SUCO: variants seen among roughly 807,000 people sequenced by gnomAD.
SUCO encodes SUN domain-containing ossification factor.
In SUCO, 57 loss-of-function variants were observed where a neutral mutation model predicts 148.1. That is an observed-to-expected ratio of 0.38 (90% CI 0.31 to 0.48). The LOEUF (loss-of-function observed/expected upper bound fraction) is 0.48. Among genes scored for constraint, SUCO ranks in the 20% least tolerant of loss-of-function variants. SUCO has a pLI of 0.96. For synonymous variants in SUCO, 470 were observed against 502.7 expected (o/e 0.93, Z 0.87); for missense variants, 1,331 against 1,468.2 (o/e 0.91, Z 1.53).
At chr1:172,600,676 C>T (rs1427042467) in intron 20 of SUCO, among the ~76,000 whole-genome samples, 1 of 146,382 alleles carries the variant, frequency 6.8e-6, no homozygotes, top group African/African-American at 2.6e-5. Context: ...CCTAGTGATA[C>T]GTACTATGAA....
In SUCO at chr1:172,608,735, TTTTA is replaced by T; in HGVS notation, c.3266-11_3266-8del. On this transcript the variant is annotated splice_polypyrimidine_tract_variant and splice_region_variant and intron_variant, in intron 22 of 23. Transcript: ENST00000263688. ...ACATTTTACATCTGCTTTTTTTTTT[TTTTA>T]CTTACAGTAGACCCAAATGATTTGT... is the stretch of plus-strand genomic sequence containing the variant. 1 of 1,561,370 alleles carries T rather than the reference TTTTA, an allele frequency of 6.4e-7. No individual in the cohort carries two copies. Among genetic ancestry groups the T allele is most frequent in the Non-Finnish European group, 8.7e-7 (1 of 1,145,594 alleles).
chr1:172,604,065 T>A (rs1657700263), intron 22 of SUCO, among the ~76,000 whole-genome samples: 1 of 151,936 alleles, frequency 6.6e-6, no homozygotes, highest in Admixed American at 6.6e-5. Context: ...TTTTATGAAT[T>A]TGCCCTTCTA....
intron 15 of SUCO, among the ~76,000 whole-genome samples, chr1:172,584,640 G>T (rs1656106716): frequency 6.6e-6 from 1 of 152,088 alleles, no homozygotes; most frequent in Non-Finnish European, 1.5e-5. Context: ...GGACGTGGTG[G>T]CATGTGCCTG....
At chr1:172,583,173 A>C (rs1655997367) in intron 15 of SUCO, among the ~76,000 whole-genome samples, 1 of 152,138 alleles carries the variant, frequency 6.6e-6, no homozygotes, top group South Asian at 2.1e-4. Context: ...AACAGTTTCC[A>C]TTCCAGACTT....
chr1:172,610,050 A>G lies in SUCO; in HGVS notation c.3556A>G (p.Ser1186Gly), dbSNP rs765663781. 27 of 1,613,838 alleles carry G rather than the reference A, an allele frequency of 1.7e-5. No individual in the cohort carries two copies. The South Asian group carries it at 2.2e-4, about 13-fold the overall frequency. The part of the protein sequence containing the change: ...SYFCGISACT[S>G]LCNGQSQKTK... Reference sequence around the variant, plus strand: ...TTTTTGTGGCATTTCAGCTTGCACAAGTCTGTGCAATGGACAGTCTCAAAA... The same window carrying G: ...TTTTTGTGGCATTTCAGCTTGCACAGGTCTGTGCAATGGACAGTCTCAAAA... Residue 1186 changes from serine (S) to glycine (G), a missense_variant, in exon 24 of 24, where the codon AGT (serine) becomes GGT (glycine). Physicochemically the swap from Ser to Gly is moderately conservative, Grantham distance 56. This residue lies in a region of SUCO where 334 missense variants were observed against 352.3 expected (regional missense o/e 0.95). Transcript: ENST00000263688.
At chr1:172,605,667 G>A (rs1338234703) in intron 22 of SUCO, among the ~76,000 whole-genome samples, 1 of 151,744 alleles carries the variant, frequency 6.6e-6, no homozygotes, top group Non-Finnish European at 1.5e-5. Context: ...GTGAATTTTA[G>A]GGTGAACTTT....
chr1:172,532,571 C>T, upstream of SUCO: 4 of 1,614,000 alleles, frequency 2.5e-6, no homozygotes, highest in Non-Finnish European at 3.4e-6. Flanking sequence ...TGCAGCTTCC[C>T]TCACAACACA....
chr1:172,557,057 A>T (rs1653806817), intron 4 of SUCO: 4 of 975,104 alleles, frequency 4.1e-6, no homozygotes, highest in Non-Finnish European at 4.9e-6. Flanking sequence ...AGTAATTTTT[A>T]AAAATCTTAT....
intron 6 of SUCO, among the ~76,000 whole-genome samples, chr1:172,561,398 C>A (rs949444920): frequency 6.6e-6 from 1 of 152,086 alleles, no homozygotes; most frequent in Non-Finnish European, 1.5e-5. Context: ...TTGGATAAGT[C>A]AGAAGATTGA....
chr1:172,569,407 C>G, intron 7 of SUCO: 1 of 978,898 alleles, frequency 1.0e-6, no homozygotes, highest in Non-Finnish European at 1.2e-6. Flanking sequence ...CATCACAATA[C>G]GAGGAAAATT....
intron 6 of SUCO, among the ~76,000 whole-genome samples, chr1:172,567,526 A>G (rs1484864148): frequency 9.9e-5 from 15 of 152,166 alleles, no homozygotes. Flanking sequence ...AATATAAATG[A>G]CATTCTTAAG....
At chr1:172,608,578 A>G (rs368694553) in intron 22 of SUCO, 169 bp from the exon 23 acceptor site, 10 of 631,416 alleles carry the variant, frequency 1.6e-5, no homozygotes, top group East Asian at 5.8e-5. Context: ...CTTTTTGCTT[A>G]CTAATTTAAA....
At chr1:172,538,727 T>A (rs187093052) in intron 1 of SUCO, among the ~76,000 whole-genome samples, 21 of 152,320 alleles carry the variant, frequency 1.4e-4, no homozygotes, top group African/African-American at 4.3e-4. Flanking sequence ...TTAGTGGAAC[T>A]TAATGTGAAA....
At chr1:172,552,959 G>C (rs1653414740) in intron 2 of SUCO, among the ~76,000 whole-genome samples, 2 of 152,056 alleles carry the variant, frequency 1.3e-5, no homozygotes, top group Non-Finnish European at 2.9e-5. Flanking sequence ...ATCTTCATTT[G>C]TCAGGTATTC....
chr1:172,571,640 A>G (rs1655001320), intron 9 of SUCO, among the ~76,000 whole-genome samples: 2 of 120,852 alleles, frequency 1.7e-5, no homozygotes, highest in African/African-American at 3.3e-5. Flanking sequence ...CCGCCATCCC[A>G]TCTATGAAGT....
At chr1:172,532,662 G>C, upstream of SUCO, 1 of 1,614,060 alleles carries the variant, frequency 6.2e-7, no homozygotes, top group Non-Finnish European at 8.5e-7. Flanking sequence ...CAGTCTCGTG[G>C]TGAGCAGCGA....
In SUCO at chr1:172,610,291, T is replaced by G. The variant is rs374884613; in HGVS notation, c.*32T>G. 38 of 1,538,770 alleles carry G rather than the reference T, an allele frequency of 2.5e-5. No individual in the cohort carries two copies. The Middle Eastern group carries it at 5.3e-4, about 21-fold the overall frequency. On this transcript the variant is annotated 3_prime_UTR_variant, in exon 24 of 24. Coordinates refer to ENST00000263688, the MANE Select transcript of SUCO (RefSeq NM_014283.5). The stretch of plus-strand genomic sequence containing the variant: ...TTGAACTTTTCATACAGAAGACTTT[T>G]TTGTTGTTGTTCTTTGAAGAACAGT...
At chr1:172,545,781 G>T (rs1056640856) in intron 1 of SUCO, among the ~76,000 whole-genome samples, 4 of 152,292 alleles carry the variant, frequency 2.6e-5, no homozygotes, top group African/African-American at 9.6e-5. Flanking sequence ...CATATTCTGT[G>T]CCAGGCTAAG....
chr1:172,559,121 C>G (rs758737728), intron 6 of SUCO, among the ~76,000 whole-genome samples: 32 of 152,082 alleles, frequency 2.1e-4, no homozygotes, highest in Non-Finnish European at 4.1e-4. Context: ...CTTTCTGATG[C>G]CTTGTGCTAG....
Sources: allele counts gnomAD v4.1 joint callset (sites outside exome capture counted in the v4.1 genomes callset), GRCh38; gene constraint gnomAD v4.1.1; regional missense constraint gnomAD v4.1.1; transcripts MANE v1.5; gene names NCBI Gene and HGNC (gene_info 2026-07-23, HGNC 2026-07-21).